The following CDH23 variants were observed in gnomAD, a reference collection of about 807,000 sequenced individuals.
CDH23 encodes cadherin-23.
CDH23 carries 189 observed loss-of-function variants against 317.1 expected under a neutral mutation model. The observed-to-expected ratio is 0.60, with a 90% CI of 0.53 to 0.67. The LOEUF is 0.67. CDH23 is among the 30% of genes least tolerant of loss of function. CDH23 has a pLI of 0.00. For missense variants in CDH23, 4,401 were observed against 4,592.4 expected, an observed-to-expected ratio of 0.96 and a Z score of 1.20; for synonymous variants, 1,839 against 1,876.8, an observed-to-expected ratio of 0.98 and a Z score of 0.52.
At chr10:71,654,278 C>T (rs1459334384) in intron 14 of CDH23, among the ~76,000 whole-genome samples, 2 of 152,182 alleles carry the variant, frequency 1.3e-5, no homozygotes, top group Non-Finnish European at 2.9e-5. Context: ...CCTGCGTGCT[C>T]ATGTTACTCT....
intron 3 of CDH23, among the ~76,000 whole-genome samples, chr10:71,490,745 C>T (rs1852609321): frequency 6.6e-6 from 1 of 152,180 alleles, no homozygotes; most frequent in South Asian, 2.1e-4. Flanking sequence ...TTGTTAGACA[C>T]TTTTTAAAGC....
intron 9 of CDH23, among the ~76,000 whole-genome samples, chr10:71,603,374 G>T (rs1449826945): frequency 6.6e-6 from 1 of 152,174 alleles, no homozygotes; most frequent in Non-Finnish European, 1.5e-5. Flanking sequence ...CTTTATCGGG[G>T]CTGTAAATCT....
chr10:71,724,247 CAG>C lies in CDH23; in HGVS notation c.3430+143_3430+144del, dbSNP rs1323156790. 3 of 801,336 alleles carry C rather than the reference CAG, an allele frequency of 3.7e-6. No homozygotes were observed. The African/African-American group carries it at 5.2e-5, about 14-fold the overall frequency. The allele number at this position is 801,336 out of a possible 1,614,324, so 49.6% of individuals were successfully genotyped here. A position where few individuals can be genotyped will look rare whatever the true frequency, so the allele number is the denominator to read the frequency against. ...ATGGGGCGAGGCCAGAGGGAGGAAA[CAG>C]GGACATTCTCCTTATTCACACCAGG... On this transcript the variant is annotated intron_variant, in intron 29 of 69. Transcript: ENST00000224721.
intron 14 of CDH23, among the ~76,000 whole-genome samples, chr10:71,654,659 CTGCCACGACTG>C (rs906126986): frequency 6.6e-6 from 1 of 152,188 alleles, no homozygotes; most frequent in Non-Finnish European, 1.5e-5. Flanking sequence ...TGTTCTCACC[CTGCCACGACTG>C]TGCCCTTGGC....
In CDH23 at chr10:71,811,528, G is replaced by A. The variant is rs1221876740; in HGVS notation, c.9216G>A (p.Leu3072=). ...MSALQMAIIV[L]AILLFLAAML... is the part of the protein sequence containing the mutation. The stretch of plus-strand genomic sequence containing the variant: ...TCCCGCAGATGGCGATCATCGTCCT[G>A]GCTATCCTCCTGTTCCTGGCCGCCA... Residue 3072 remains leucine (L), a synonymous_variant, in exon 64 of 70, where the codon CTG becomes CTA. Coordinates refer to ENST00000224721, the MANE Select transcript of CDH23 (RefSeq NM_022124.6). The A allele has an allele frequency of 6.2e-7, 1 of 1,613,956 alleles. No homozygotes were observed. The highest frequency in any genetic ancestry group is 2.2e-5 in the East Asian group (1 of 44,872).
At chr10:71,627,596 G>A (rs1861802845) in intron 11 of CDH23, among the ~76,000 whole-genome samples, 1 of 152,180 alleles carries the variant, frequency 6.6e-6, no homozygotes, top group Admixed American at 6.5e-5. Flanking sequence ...GGCCTGTGTG[G>A]CAGCCGCGGT....
chr10:71,646,043 G>A, intron 13 of CDH23, 63 bp downstream of exon 13: 1 of 1,575,394 alleles, frequency 6.3e-7, no homozygotes, highest in African/African-American at 1.4e-5. Flanking sequence ...GGAGGCGAGG[G>A]TAGGGTAGAA....
Position 71,778,711 on chromosome 10 carries a change from C to T in CDH23, c.5187+403C>T, listed in dbSNP as rs369163297. On this transcript the variant is annotated intron_variant, in intron 40 of 69. Coordinates refer to ENST00000224721, the MANE Select transcript of CDH23 (RefSeq NM_022124.6). ...GGAGTGAGAGGAGTAAATGAAACCA[C>T]GTAAGACAACCACAGTGCAGCAACA... Among the ~76,000 whole-genome samples, 49 of 152,274 alleles carry T rather than the reference C, an allele frequency of 3.2e-4. 1 individual carries two copies. The South Asian group carries it at 6.6e-3, about 21-fold the overall frequency.
intron 1 of CDH23, among the ~76,000 whole-genome samples, chr10:71,421,142 A>G (rs972447185): frequency 2.6e-5 from 4 of 152,210 alleles, no homozygotes; most frequent in African/African-American, 9.7e-5. Context: ...CCTCATAGGA[A>G]AGATGAAGCC....
chr10:71,511,128 A>C lies in CDH23; in HGVS notation c.345A>C (p.Thr115=). ...CGCCTTTCTCTTGCCAGGTGATCAC[A>C]CGGAAGGTGAACATCCAGGTTGGGG... ...FSVSDHQGVI[T]RKVNIQVGDV... Residue 115 remains threonine, a synonymous_variant, in exon 6 of 70, where the codon ACA becomes ACC. Transcript: ENST00000224721. The C allele has an allele frequency of 6.2e-7, 1 of 1,613,484 alleles. No homozygotes were observed. The highest frequency in any genetic ancestry group is 8.5e-7 in the Non-Finnish European group (1 of 1,179,520).
chr10:71,709,175 A>C lies in CDH23; in HGVS notation c.3184A>C (p.Thr1062Pro). The C allele has an allele frequency of 6.2e-7, 1 of 1,613,864 alleles. No homozygotes were observed. ...AACCGTGGTGGGCCTGGACCGGGAG[A>C]CCACAGCCGCCTACATGCTCATCCT... ...VRTVVGLDRE[T>P]TAAYMLILEA... Residue 1062 changes from threonine to proline, a missense_variant, in exon 27 of 70, where the codon ACC becomes CCC. Physicochemically the swap from Thr to Pro is conservative, Grantham distance 38. Transcript: ENST00000224721.
At chr10:71,473,303 A>G (rs1306199335) in intron 3 of CDH23, among the ~76,000 whole-genome samples, 1 of 152,228 alleles carries the variant, frequency 6.6e-6, no homozygotes, top group African/African-American at 2.4e-5. Context: ...CACAGCATCA[A>G]GTGGATGGAG....
chr10:71,812,102 G>C, intron 66 of CDH23, 87 bp downstream of exon 66: 1 of 1,608,952 alleles, frequency 6.2e-7, no homozygotes, highest in Non-Finnish European at 8.5e-7. Flanking sequence ...CCAGCGCTGG[G>C]GCTGCCGAAA....
At chr10:71,762,241 G>T (rs1219720327) in intron 38 of CDH23, among the ~76,000 whole-genome samples, 1 of 152,256 alleles carries the variant, frequency 6.6e-6, no homozygotes, top group Non-Finnish European at 1.5e-5. Flanking sequence ...CCAACTAGGG[G>T]TGCTCCTGGA....
intron 1 of CDH23, among the ~76,000 whole-genome samples, chr10:71,412,940 G>A (rs960628182): frequency 6.6e-6 from 1 of 152,092 alleles, no homozygotes; most frequent in African/African-American, 2.4e-5. Flanking sequence ...TGGCTTTTTT[G>A]CTCCATAGAT....
chr10:71,494,580 G>T (rs1852851137), intron 3 of CDH23, among the ~76,000 whole-genome samples: 1 of 152,202 alleles, frequency 6.6e-6, no homozygotes, highest in Non-Finnish European at 1.5e-5. Flanking sequence ...GAGGTTGTGT[G>T]TGCAAAGTGC....
intron 3 of CDH23, among the ~76,000 whole-genome samples, chr10:71,491,583 T>TCTA (rs1292867821): frequency 1.3e-5 from 2 of 152,228 alleles, no homozygotes; most frequent in Non-Finnish European, 2.9e-5. Context: ...GAGGCCATAC[T>TCTA]CTACGCCCTT....
Position 71,682,561 on chromosome 10 carries a change from A to T in CDH23, c.1975A>T (p.Ile659Phe). Residue 659 changes from isoleucine (I) to phenylalanine (F), a missense_variant, in exon 18 of 70, where the codon ATC becomes TTC. Ile to Phe is a conservative substitution (Grantham distance 21). This residue lies in a region of CDH23 where 3,068 missense variants were observed against 3,203.3 expected (regional missense o/e 0.96). Transcript: ENST00000224721. ...PPLNSTVPVT[I>F]EVFDENDNPP... ...TCTCAACAGCACCGTCCCTGTCACC[A>T]TCGAGGTGTTTGTAAGTACCCAGGG... The T allele has an allele frequency of 6.2e-7, 1 of 1,613,426 alleles. No individual in the cohort carries two copies. Among genetic ancestry groups the T allele is most frequent in the Non-Finnish European group, 8.5e-7 (1 of 1,179,680 alleles).
intron 25 of CDH23, 134 bp from the exon 26 acceptor site, chr10:71,706,763 C>A: frequency 3.5e-6 from 5 of 1,430,008 alleles, no homozygotes; most frequent in Non-Finnish European, 4.7e-6. Context: ...GGTGTTGACA[C>A]AGATGCCACT....
Sources: gnomAD v4.1 joint callset for allele counts (sites outside exome capture counted in the v4.1 genomes callset) on GRCh38, gnomAD v4.1.1 for gene constraint, gnomAD v4.1.1 regional missense constraint, MANE v1.5 for transcripts, NCBI Gene and HGNC (gene_info 2026-07-23, HGNC 2026-07-21) for gene names.